LY75: variants seen among roughly 807,000 people sequenced by gnomAD.
The protein encoded by LY75 is lymphocyte antigen 75.
A neutral mutation model predicts 231.7 loss-of-function variants in LY75; 185 were observed. That is an observed-to-expected ratio of 0.80 (90% CI 0.71 to 0.90). The LOEUF is 0.90. Ranked by LOEUF, LY75 falls within the 40% of genes least tolerant of loss-of-function variation. The pLI is 0.00. For synonymous variants in LY75, 668 were observed against 689.0 expected, an observed-to-expected ratio of 0.97 and a Z score of 0.48; for missense variants, 1,947 against 2,050.2, an observed-to-expected ratio of 0.95 and a Z score of 0.97.
intron 25 of LY75, among the ~76,000 whole-genome samples, chr2:159,838,749 C>G (rs898836415): frequency 6.6e-6 from 1 of 152,150 alleles, no homozygotes; most frequent in Non-Finnish European, 1.5e-5. Context: ...GAGTAAGCAG[C>G]TTCCCCATCT....
chr2:159,812,810 A>G (rs1683002273), intron 31 of LY75, among the ~76,000 whole-genome samples: 1 of 152,152 alleles, frequency 6.6e-6, no homozygotes, highest in Non-Finnish European at 1.5e-5. Context: ...TTATCTTGCA[A>G]AACTGAAACT....
intron 28 of LY75, among the ~76,000 whole-genome samples, chr2:159,824,238 A>G (rs1683391820): frequency 6.6e-6 from 1 of 152,226 alleles, no homozygotes; most frequent in East Asian, 1.9e-4. Context: ...AAAGACACAA[A>G]TAGGCTCAAA....
intron 2 of LY75, among the ~76,000 whole-genome samples, chr2:159,898,002 G>C (rs1685949887): frequency 6.6e-6 from 1 of 152,076 alleles, no homozygotes. Context: ...TCAAAATTTG[G>C]TTGCCATGCA....
chr2:159,856,379 G>T (rs1303169361), intron 16 of LY75, among the ~76,000 whole-genome samples: 3 of 152,132 alleles, frequency 2.0e-5, no homozygotes, highest in Non-Finnish European at 4.4e-5. Flanking sequence ...AGGGAAGAGA[G>T]GATTAATTAG....
At chr2:159,888,390 C>T (rs919671027) in intron 4 of LY75, among the ~76,000 whole-genome samples, 7 of 152,176 alleles carry the variant, frequency 4.6e-5, no homozygotes, top group Non-Finnish European at 8.8e-5. Context: ...CCCTCTTTCA[C>T]ATAAATAGAG....
At chr2:159,891,417 G>T (rs1208873485) in intron 3 of LY75, among the ~76,000 whole-genome samples, 1 of 152,086 alleles carries the variant, frequency 6.6e-6, no homozygotes, top group Non-Finnish European at 1.5e-5. Flanking sequence ...AAATAGGGTG[G>T]ATTTGAAAGC....
intron 12 of LY75, among the ~76,000 whole-genome samples, chr2:159,874,650 T>TTTTGTAAATATATATAGTAGATA (rs1685176243): frequency 2.0e-5 from 2 of 100,104 alleles, no homozygotes; most frequent in South Asian, 3.4e-4. Context: ...AATATATATA[T>TTTTGTAAATATATATAGTAGATA]TTTGTAAATA....
intron 29 of LY75, among the ~76,000 whole-genome samples, chr2:159,818,477 A>G (rs13418390): frequency 0.044 from 6,773 of 152,306 alleles, 479 homozygotes; most frequent in African/African-American, 0.15. Flanking sequence ...CAAAACTGTC[A>G]AGGCCAGCAA....
intron 2 of LY75, among the ~76,000 whole-genome samples, chr2:159,898,068 C>T (rs895865902): frequency 2.6e-5 from 4 of 151,998 alleles, no homozygotes; most frequent in East Asian, 1.9e-4. Context: ...ATTCAAAATC[C>T]GTAGGCAAGA....
At chr2:159,855,441 T>C (rs1684520771) in intron 16 of LY75, among the ~76,000 whole-genome samples, 1 of 152,138 alleles carries the variant, frequency 6.6e-6, no homozygotes, top group African/African-American at 2.4e-5. Flanking sequence ...TGTACAATGC[T>C]CCAGTGTTGA....
intron 9 of LY75, 66 bp downstream of exon 9, chr2:159,879,193 A>G (rs1220413690): frequency 6.5e-7 from 1 of 1,541,070 alleles, no homozygotes; most frequent in East Asian, 2.3e-5. Context: ...TTTAAGTCTC[A>G]GCTACCATTT....
intron 23 of LY75, among the ~76,000 whole-genome samples, chr2:159,847,202 C>G (rs13015004): frequency 6.6e-6 from 1 of 151,972 alleles, no homozygotes; most frequent in African/African-American, 2.4e-5. Context: ...TTAGTAGAGA[C>G]GGGGTTTCAC....
chr2:159,868,074 T>C (rs553478759), intron 13 of LY75, among the ~76,000 whole-genome samples: 1 of 152,312 alleles, frequency 6.6e-6, no homozygotes, highest in Non-Finnish European at 1.5e-5. Context: ...CTAATATAAA[T>C]GGGTTTGCTT....
At chr2:159,831,249 A>G (rs1291800943) in intron 28 of LY75, among the ~76,000 whole-genome samples, 1 of 152,054 alleles carries the variant, frequency 6.6e-6, no homozygotes, top group Non-Finnish European at 1.5e-5. Flanking sequence ...AAAAGTGTGT[A>G]GCACCTCCTC....
chr2:159,832,707 T>A (rs1683701105), intron 27 of LY75, among the ~76,000 whole-genome samples: 1 of 152,250 alleles, frequency 6.6e-6, no homozygotes, highest in Non-Finnish European at 1.5e-5. Context: ...TTTGTTAATG[T>A]CCAACAGGAA....
rs143990141 is a variant in LY75 at position 159,845,966 on chromosome 2, C to CT, written c.3151-3593dup. On this transcript the variant is annotated intron_variant, in intron 23 of 34. Transcript: ENST00000263636. ...TATATTGCTATATTGTTTTCTCTCT[C>CT]TTTTTTTTTTAAACATAGACAGGGT... 1.2e-4 allele frequency among the ~76,000 whole-genome samples: 18 copies of CT among 148,158 alleles called. 1 individual carries two copies. The highest frequency in any genetic ancestry group is 5.9e-4 in the East Asian group (3 of 5,116).
Position 159,875,550 on chromosome 2 carries a change from C to A in LY75, c.1868G>T (p.Cys623Phe). Residue 623 changes from cysteine to phenylalanine, a missense_variant, in exon 12 of 35, where the codon TGC (cysteine) becomes TTC (phenylalanine). Transcript: ENST00000263636. ...CCCAAGGGGTCCACTCATTTTCTTGCAAATTGAAAGTGCTTTGAAGCTTCT... is the reference window on the plus strand; with the variant it reads ...CCCAAGGGGTCCACTCATTTTCTTGAAAATTGAAAGTGCTTTGAAGCTTCT... Reference protein sequence around the residue: ...DCRSFKALSICKKMSGPLGPE... With the variant: ...DCRSFKALSIFKKMSGPLGPE... 6.2e-7 allele frequency: 1 copy of A among 1,614,092 alleles called. No homozygotes were observed. The highest frequency in any genetic ancestry group is 8.5e-7 in the Non-Finnish European group (1 of 1,180,000).
chr2:159,821,430 A>G (rs577159181), intron 28 of LY75, among the ~76,000 whole-genome samples: 75 of 152,120 alleles, frequency 4.9e-4, no homozygotes, highest in Non-Finnish European at 6.2e-4. Context: ...AGCCTGACCA[A>G]CATGGTAAAA....
At chr2:159,852,387 A>C in intron 20 of LY75, 47 bp from the exon 21 acceptor site, 1 of 1,568,080 alleles carries the variant, frequency 6.4e-7, no homozygotes, top group Non-Finnish European at 8.6e-7. Flanking sequence ...TTTTTCAGTC[A>C]GTACATTTTT....
Sources: gnomAD v4.1 joint callset for allele counts (sites outside exome capture counted in the v4.1 genomes callset) on GRCh38, gnomAD v4.1.1 for gene constraint, MANE v1.5 for transcripts, NCBI Gene and HGNC (gene_info 2026-07-23, HGNC 2026-07-21) for gene names.